The following BLK variants were observed in gnomAD, a reference collection of about 807,000 sequenced individuals.
The protein encoded by BLK is BLK proto-oncogene, Src family tyrosine kinase.
Under a neutral mutation model 61.8 loss-of-function variants are expected in BLK, and 64 were observed. The ratio of observed to expected loss-of-function variants is 1.03; its 90% CI spans 0.85 to 1.27. BLK has a LOEUF of 1.27. Ranked by LOEUF, BLK falls within the 50% of genes most tolerant of loss-of-function variation. BLK has a pLI of 0.00. For synonymous variants in BLK, 351 were observed against 272.0 expected, an observed-to-expected ratio of 1.29 and a Z score of -2.86; for missense variants, 853 against 660.5, an observed-to-expected ratio of 1.29 and a Z score of -3.19.
chr8:11,510,408 G>T (rs1487947594), intron 1 of BLK, among the ~76,000 whole-genome samples: 1 of 152,110 alleles, frequency 6.6e-6, no homozygotes. Context: ...AAGGCTTTGG[G>T]TACATTTGTC....
At chr8:11,543,733 G>A (rs953914729) in intron 2 of BLK, among the ~76,000 whole-genome samples, 2 of 152,134 alleles carry the variant, frequency 1.3e-5, no homozygotes, top group African/African-American at 4.8e-5. Context: ...GCTTTCCTGG[G>A]ATAAGCATCA....
chr8:11,514,605 G>T (rs1333850358), intron 1 of BLK, among the ~76,000 whole-genome samples: 4 of 152,128 alleles, frequency 2.6e-5, no homozygotes. Context: ...TGCCACTGTG[G>T]GCCTTCTCCA....
intron 1 of BLK, among the ~76,000 whole-genome samples, chr8:11,535,755 C>T (rs1800109365): frequency 6.6e-6 from 1 of 152,216 alleles, no homozygotes; most frequent in Non-Finnish European, 1.5e-5. Context: ...TAGGATGCAA[C>T]ATGGAGCACA....
chr8:11,528,575 G>C (rs181580081), intron 1 of BLK, among the ~76,000 whole-genome samples: 1 of 152,206 alleles, frequency 6.6e-6, no homozygotes, highest in East Asian at 1.9e-4. Context: ...GCTAATGATT[G>C]CTCTAACTTC....
intron 1 of BLK, among the ~76,000 whole-genome samples, chr8:11,513,393 C>T (rs939917461): frequency 1.3e-5 from 2 of 152,188 alleles, no homozygotes; most frequent in African/African-American, 4.8e-5. Context: ...GAGCATCATT[C>T]CTGATGGAGC....
rs61171030 is a variant in BLK at position 11,550,576 on chromosome 8, T to G, written c.472+314T>G. Among the ~76,000 whole-genome samples the G allele has an allele frequency of 0.035, 5,268 of 152,370 alleles. 271 individuals are homozygous for G. Among genetic ancestry groups the G allele is most frequent in the African/African-American group, 0.11 (4,662 of 41,586 alleles). ...GTGGGGGCCAGGGAAGGGGGAACCC[T>G]GAGCCCTTAACCACCAGCCTCTTTG... On this transcript the variant is annotated intron_variant, in intron 6 of 12. Coordinates refer to ENST00000259089, the MANE Select transcript of BLK (RefSeq NM_001715.3).
chr8:11,560,787 C>T, intron 10 of BLK: 1 of 448,704 alleles, frequency 2.2e-6, no homozygotes, highest in Non-Finnish European at 4.5e-6. Context: ...ACCCCCTGCC[C>T]TGGAGACCAC....
chr8:11,561,338 T>C lies in BLK; in HGVS notation c.1066T>C (p.Ser356Pro), dbSNP rs1801497643. The change falls in exon 11 of 13, where the codon TCC becomes CCC. Residue 356 changes from serine to proline, a missense_variant. By Grantham distance (74) the Ser-to-Pro change is moderately conservative. Transcript: ENST00000259089. ...EGMAYIERMN[S>P]IHRDLRAANI... ...GATGGCATACATTGAGCGCATGAAT[T>C]CCATCCACCGCGACCTGCGGGCGGC... 6.2e-7 allele frequency: 1 copy of C among 1,614,010 alleles called. No individual in the cohort carries two copies. Among genetic ancestry groups the C allele is most frequent in the Middle Eastern group, 1.6e-4 (1 of 6,062 alleles).
intron 8 of BLK, chr8:11,555,712 G>A: frequency 1.5e-6 from 1 of 675,726 alleles, no homozygotes. Context: ...ACAGAATCCA[G>A]CTCACCCAGC....
chr8:11,554,602 A>G, intron 6 of BLK, 141 bp from the exon 7 acceptor site: 3 of 1,034,962 alleles, frequency 2.9e-6, no homozygotes, highest in Non-Finnish European at 4.4e-6. Context: ...ATGCAGGGAA[A>G]GGAAACTTGT....
chr8:11,512,698 C>G (rs1286647566), intron 1 of BLK, among the ~76,000 whole-genome samples: 2 of 151,584 alleles, frequency 1.3e-5, no homozygotes, highest in Non-Finnish European at 2.9e-5. Flanking sequence ...GAGTCTTGCT[C>G]TGTCACCCAG....
At chr8:11,519,015 C>G (rs894031299) in intron 1 of BLK, among the ~76,000 whole-genome samples, 1 of 152,140 alleles carries the variant, frequency 6.6e-6, no homozygotes, top group Non-Finnish European at 1.5e-5. Flanking sequence ...GTTTGAATTT[C>G]TTTGTGGCAC....
intron 1 of BLK, among the ~76,000 whole-genome samples, chr8:11,526,992 G>A (rs532643862): frequency 5.3e-5 from 8 of 152,264 alleles, no homozygotes; most frequent in African/African-American, 1.9e-4. Flanking sequence ...GTGCTTGGGG[G>A]TCACACTCGG....
intron 1 of BLK, among the ~76,000 whole-genome samples, chr8:11,508,630 G>A (rs79666330): frequency 6.6e-6 from 1 of 152,200 alleles, no homozygotes; most frequent in Non-Finnish European, 1.5e-5. Flanking sequence ...TCTGCCTTCG[G>A]GTCTCCTGGA....
chr8:11,553,533 G>A, intron 6 of BLK: 1 of 285,342 alleles, frequency 3.5e-6, no homozygotes, highest in Non-Finnish European at 7.0e-6. Flanking sequence ...ACTGCGTGGA[G>A]AGCGGGCTCC....
chr8:11,548,065 C>G lies in BLK; in HGVS notation c.209C>G (p.Thr70Ser). The change falls in exon 4 of 13, where the codon ACC becomes AGC. Residue 70 changes from threonine (T) to serine (S), a missense_variant. Transcript: ENST00000259089. ...TTCGTGGTGGCTCTGTATGACTACA[C>G]CGCTATGAATGATCGGGACCTGCAG... is the stretch of plus-strand genomic sequence containing the variant. ...KHFVVALYDY[T>S]AMNDRDLQML... The G allele has an allele frequency of 6.2e-7, 1 of 1,614,088 alleles. No individual in the cohort carries two copies. The highest frequency in any genetic ancestry group is 8.5e-7 in the Non-Finnish European group (1 of 1,180,014).
intron 4 of BLK, 73 bp downstream of exon 4, chr8:11,548,198 C>G: frequency 7.7e-7 from 1 of 1,296,680 alleles, no homozygotes; most frequent in Non-Finnish European, 1.1e-6. Flanking sequence ...CTCCACCCAC[C>G]ACATCCTCCA....
intron 3 of BLK, among the ~76,000 whole-genome samples, chr8:11,546,839 G>T (rs1800668237): frequency 6.6e-6 from 1 of 152,226 alleles, no homozygotes; most frequent in Admixed American, 6.5e-5. Context: ...GCCTCTCAAA[G>T]TGCTGGGATT....
chr8:11,518,639 C>T (rs910559582), intron 1 of BLK, among the ~76,000 whole-genome samples: 1 of 152,160 alleles, frequency 6.6e-6, no homozygotes, highest in South Asian at 2.1e-4. Flanking sequence ...CACCCGCACC[C>T]CACAATCTCC....
Sources: gnomAD v4.1 joint callset for allele counts (sites outside exome capture counted in the v4.1 genomes callset) on GRCh38, gnomAD v4.1.1 for gene constraint, MANE v1.5 for transcripts, NCBI Gene and HGNC (gene_info 2026-07-23, HGNC 2026-07-21) for gene names.